Variants in TBC1D1 observed in about 807,000 individuals in gnomAD.
The protein encoded by TBC1D1 is TBC1 domain family member 1, also known as TBC1 (tre-2/USP6, BUB2, cdc16) domain family, member 1.
Under a neutral mutation model 125.6 loss-of-function variants are expected in TBC1D1, and 89 were observed. The observed-to-expected ratio is 0.71, with a 90% CI of 0.60 to 0.85. The LOEUF (loss-of-function observed/expected upper bound fraction) is 0.85, where lower values mean the gene tolerates loss of function less well. Among genes scored for constraint, TBC1D1 ranks in the 40% least tolerant of loss-of-function variants. The pLI is 0.00. For missense variants in TBC1D1, 1,377 were observed against 1,469.2 expected, an observed-to-expected ratio of 0.94 and a Z score of 1.03; for synonymous variants, 565 against 564.1, an observed-to-expected ratio of 1.00 and a Z score of -0.02.
At position 38,046,014 on chromosome 4, in the gene TBC1D1, T is replaced by A. The variant is rs1487021946; in HGVS notation, c.1629+111T>A. On this transcript the variant is annotated intron_variant, in intron 10 of 19. Coordinates refer to ENST00000261439, the MANE Select transcript of TBC1D1 (RefSeq NM_015173.4). ...AAACGTTTGCTGCTTGCAAATTTCTTGGCACAGGTGGAGGACTGGTCATGC... is the reference window on the plus strand; with the variant it reads ...AAACGTTTGCTGCTTGCAAATTTCTAGGCACAGGTGGAGGACTGGTCATGC... 3 of 915,662 alleles carry A rather than the reference T, an allele frequency of 3.3e-6. No individual in the cohort carries two copies. The African/African-American group carries it at 4.9e-5, about 15-fold the overall frequency. 56.7% of individuals were successfully genotyped at this position (915,662 alleles called of 1,614,324 possible).
At chr4:38,106,221 G>A (rs950474687) in intron 15 of TBC1D1, among the ~76,000 whole-genome samples, 1 of 152,164 alleles carries the variant, frequency 6.6e-6, no homozygotes, top group Non-Finnish European at 1.5e-5. Flanking sequence ...GCCATCTCAT[G>A]GGCCCTCACA....
In TBC1D1 at chr4:37,902,137, T is replaced by C. The variant is rs1296797097; in HGVS notation, c.42T>C (p.Ser14=). 6.2e-7 allele frequency: 1 copy of C among 1,611,672 alleles called. No individual in the cohort carries two copies. Among genetic ancestry groups the C allele is most frequent in the African/African-American group, 1.3e-5 (1 of 74,798 alleles). Reference sequence around the variant, plus strand: ...TCACAGCAAGGAAACATCTGCTTTCTAACGAGGTCTCGGTGGATTTTGGCC... The same window carrying C: ...TCACAGCAAGGAAACATCTGCTTTCCAACGAGGTCTCGGTGGATTTTGGCC... Residue 14 remains serine (S), a synonymous_variant, in exon 2 of 20, where the codon TCT becomes TCC. Transcript: ENST00000261439.
chr4:38,125,216 C>T, intron 18 of TBC1D1, 85 bp downstream of exon 20: 1 of 1,379,966 alleles, frequency 7.2e-7, no homozygotes, highest in Non-Finnish European at 1.0e-6. Context: ...GAACTGTTTC[C>T]TACCACTTTG....
At chr4:37,972,916 A>G (rs985347491) in intron 2 of TBC1D1, among the ~76,000 whole-genome samples, 3 of 152,040 alleles carry the variant, frequency 2.0e-5, no homozygotes, top group African/African-American at 7.2e-5. Context: ...AAAAAAAAAA[A>G]AAAAAGAAAA....
In TBC1D1 at chr4:38,133,108, C is replaced by T. The variant is rs781432610; in HGVS notation, c.3157C>T (p.Gln1053Ter). The change falls in exon 19 of 20, where the codon CAG (glutamine) becomes TAG (stop). Residue 1053 changes from glutamine to a stop codon, truncating the protein, a stop_gained. Transcript: ENST00000261439. LOFTEE classifies it high-confidence loss of function. ...GGTATTTGAAATGGACATCGCTAAA[C>T]AGTTACAAGCTTATGAAGTTGAGTA... is the stretch of plus-strand genomic sequence containing the variant. The T allele has an allele frequency of 6.2e-7, 1 of 1,613,382 alleles. No individual in the cohort carries two copies.
At chr4:38,081,517 T>C (rs1756553184) in intron 12 of TBC1D1, among the ~76,000 whole-genome samples, 1 of 152,160 alleles carries the variant, frequency 6.6e-6, no homozygotes, top group African/African-American at 2.4e-5. Flanking sequence ...GTTTCTCTTC[T>C]CCAGTATTCT....
intron 9 of TBC1D1, 119 bp downstream of exon 9, chr4:38,044,609 T>C (rs1247769248): frequency 1.1e-5 from 12 of 1,101,790 alleles, no homozygotes; most frequent in Non-Finnish European, 1.5e-5. Flanking sequence ...AAAACCTTTT[T>C]TTATGTTTTC....
At chr4:37,952,069 G>A (rs148175813) in intron 2 of TBC1D1, 6 of 717,428 alleles carry the variant, frequency 8.4e-6, no homozygotes, top group Admixed American at 2.0e-5. Context: ...AGAAAGCCCT[G>A]CCTGGAAAGC....
chr4:37,929,024 C>T (rs2152285630), intron 2 of TBC1D1, among the ~76,000 whole-genome samples: 1 of 152,328 alleles, frequency 6.6e-6, no homozygotes, highest in East Asian at 1.9e-4. Context: ...TGAGCTAGCT[C>T]ATCATTGTCC....
At chr4:38,104,093 G>C (rs1760843319) in intron 15 of TBC1D1, among the ~76,000 whole-genome samples, 1 of 145,674 alleles carries the variant, frequency 6.9e-6, no homozygotes, top group Non-Finnish European at 1.5e-5. Context: ...CCAGGAGGCG[G>C]AGCTTGCAGT....
chr4:38,008,225 A>G (rs997542000), intron 2 of TBC1D1, among the ~76,000 whole-genome samples: 2 of 152,168 alleles, frequency 1.3e-5, no homozygotes, highest in Admixed American at 6.5e-5. Flanking sequence ...ATTTTAGAAA[A>G]CCTACGAAAT....
In TBC1D1 at chr4:37,902,501, G is replaced by A. The variant is rs1364124127; in HGVS notation, c.406G>A (p.Asp136Asn). Residue 136 changes from aspartate to asparagine, a missense_variant, in exon 2 of 20, where the codon GAT becomes AAT. By Grantham distance (23) the Asp-to-Asn change is conservative. This residue lies in a region of TBC1D1 where 822 missense variants were observed against 824.6 expected (regional missense o/e 1.00). Coordinates refer to ENST00000261439, the MANE Select transcript of TBC1D1 (RefSeq NM_015173.4). ...TATCTGCTATGTGTTCAAAGCCGAT[G>A]ATCAAACAAAAGTAAGTGAGATGGA... 16 of 1,595,320 alleles carry A rather than the reference G, an allele frequency of 1.0e-5. No individual in the cohort carries two copies. The highest frequency in any genetic ancestry group is 1.3e-5 in the African/African-American group (1 of 74,526).
intron 18 of TBC1D1, among the ~76,000 whole-genome samples, chr4:38,130,613 C>A (rs960009884): frequency 1.3e-5 from 2 of 152,166 alleles, no homozygotes; most frequent in Non-Finnish European, 2.9e-5. Flanking sequence ...GAGAGCCAGT[C>A]CCCCTTGCAG....
intron 2 of TBC1D1, among the ~76,000 whole-genome samples, chr4:38,005,198 G>A (rs370910084): frequency 2.0e-5 from 3 of 152,190 alleles, no homozygotes; most frequent in Non-Finnish European, 2.9e-5. Flanking sequence ...AGGGTGCTCC[G>A]GAGATATAAA....
At chr4:38,034,574 T>G (rs1746842217) in intron 7 of TBC1D1, among the ~76,000 whole-genome samples, 1 of 152,190 alleles carries the variant, frequency 6.6e-6, no homozygotes, top group South Asian at 2.1e-4. Context: ...TAAAGTTGCT[T>G]CCTTAGTTAG....
chr4:38,060,976 C>A (rs561804567), intron 12 of TBC1D1, among the ~76,000 whole-genome samples: 1 of 152,172 alleles, frequency 6.6e-6, no homozygotes, highest in African/African-American at 2.4e-5. Context: ...TGCCCTGGGT[C>A]TCTAGTGATG....
intron 2 of TBC1D1, among the ~76,000 whole-genome samples, chr4:37,918,496 G>A (rs1336750589): frequency 6.7e-6 from 1 of 149,090 alleles, no homozygotes; most frequent in Non-Finnish European, 1.5e-5. Context: ...CTCCCAGGCT[G>A]GGGTGCAGTG....
At chr4:38,095,804 A>T in intron 13 of TBC1D1, 125 bp from the exon 16 acceptor site, 1 of 935,496 alleles carries the variant, frequency 1.1e-6, no homozygotes, top group Non-Finnish European at 1.6e-6. Flanking sequence ...ACTTATATTT[A>T]GACGCGTTAA....
At chr4:37,942,626 C>T (rs1011893665) in intron 2 of TBC1D1, among the ~76,000 whole-genome samples, 9 of 152,036 alleles carry the variant, frequency 5.9e-5, no homozygotes, top group African/African-American at 2.2e-4. Context: ...GCAAGCTCTG[C>T]CTCCCAGGTT....
Sources: allele counts gnomAD v4.1 joint callset (sites outside exome capture counted in the v4.1 genomes callset), GRCh38; gene constraint gnomAD v4.1.1; regional missense constraint gnomAD v4.1.1; transcripts MANE v1.5; gene names NCBI Gene and HGNC (gene_info 2026-07-23, HGNC 2026-07-21).